Variants in CTNNB1 observed in about 807,000 individuals in gnomAD.
CTNNB1 encodes catenin beta 1.
In CTNNB1, 6 loss-of-function variants were observed where a neutral mutation model predicts 82.5. The observed-to-expected ratio is 0.07, with a 90% CI of 0.04 to 0.14. The LOEUF is 0.14. Ranked by LOEUF, CTNNB1 falls within the 10% of genes least tolerant of loss-of-function variation. The pLI is 1.00. For missense variants in CTNNB1, 529 were observed against 980.4 expected (o/e 0.54, Z 6.15); for synonymous variants, 312 against 329.7 (o/e 0.95, Z 0.58).
chr3:41,203,964 G>T (rs974405527), intron 1 of CTNNB1, among the ~76,000 whole-genome samples: 1 of 152,150 alleles, frequency 6.6e-6, no homozygotes, highest in Non-Finnish European at 1.5e-5. Flanking sequence ...GAATGAAAAC[G>T]TTAGCGTAGG....
rs753089121 is a variant in CTNNB1, at chr3:41,239,245, T to C, written c.2249T>C (p.Val750Ala). 6 of 1,614,094 alleles carry C rather than the reference T, an allele frequency of 3.7e-6. No homozygotes were observed. Among genetic ancestry groups the C allele is most frequent in the Non-Finnish European group, 5.1e-6 (6 of 1,180,040 alleles). ...CACCACCCTGGTGCTGACTATCCAGTTGATGGGCTGCCAGATCTGGGGCAT... is the reference window on the plus strand; with the variant it reads ...CACCACCCTGGTGCTGACTATCCAGCTGATGGGCTGCCAGATCTGGGGCAT... ...GGHHPGADYP[V>A]DGLPDLGHAQ... The change falls in exon 15 of 15, where the codon GTT becomes GCT. Residue 750 changes from valine to alanine, a missense_variant. By Grantham distance (64) the Val-to-Ala change is moderately conservative. Around this residue, in one of 4 missense-constraint regions of CTNNB1, gnomAD observed 102 missense variants for 130.8 expected, o/e 0.78. Transcript: ENST00000349496.
At chr3:41,224,504 T>TA in intron 2 of CTNNB1, 22 bp from the exon 3 acceptor site, 2 of 1,584,630 alleles carry the variant, frequency 1.3e-6, no homozygotes, top group Non-Finnish European at 1.7e-6. Context: ...CTACTAATGC[T>TA]AATACTGTTT....
chr3:41,211,188 G>A (rs976798578), intron 1 of CTNNB1: 5 of 404,576 alleles, frequency 1.2e-5, no homozygotes, highest in African/African-American at 2.1e-5. Flanking sequence ...ATTGTGCTGC[G>A]ACGTTAACGA....
chr3:41,220,302 T>C (rs567273135), intron 1 of CTNNB1, among the ~76,000 whole-genome samples: 127 of 152,162 alleles, frequency 8.3e-4, no homozygotes, highest in Non-Finnish European at 1.5e-3. Flanking sequence ...TACATTTTAG[T>C]GTTTGGAGGA....
At position 41,218,578 on chromosome 3, in the gene CTNNB1, TATC is replaced by T. The variant is rs1030135719; in HGVS notation, c.-48-5440_-48-5438del. Among the ~76,000 whole-genome samples, 21 of 152,344 alleles carry T rather than the reference TATC, an allele frequency of 1.4e-4. No homozygotes were observed. The East Asian group carries it at 2.9e-3, about 21-fold the overall frequency. On this transcript the variant is annotated intron_variant, in intron 1 of 14. Coordinates refer to ENST00000349496, the MANE Select transcript of CTNNB1 (RefSeq NM_001904.4). The stretch of plus-strand genomic sequence containing the variant: ...CTAAGAGTTGTTTTCTGTTCAGCCT[TATC>T]ATACTATAAAATCCACATAAAATGG...
chr3:41,231,077 C>T (rs1393632773), intron 7 of CTNNB1, among the ~76,000 whole-genome samples: 2 of 152,164 alleles, frequency 1.3e-5, no homozygotes, highest in Non-Finnish European at 2.9e-5. Flanking sequence ...CCTGTAATTC[C>T]AGCACTTTGG....
rs1002731273 is a variant in CTNNB1 at position 41,199,526 on chromosome 3, C to G, written c.-193C>G. On this transcript the variant is annotated 5_prime_UTR_variant, in exon 1 of 15. Transcript: ENST00000349496. The stretch of plus-strand genomic sequence containing the variant: ...TTTTAAGCCTCTCGGTCTGTGGCAG[C>G]AGCGTTGGCCCGGCCCCGGGAGCGG... 2 of 152,912 alleles carry G rather than the reference C, an allele frequency of 1.3e-5. No individual in the cohort carries two copies. The highest frequency in any genetic ancestry group is 4.8e-5 in the African/African-American group (2 of 41,438). 9.5% of individuals were successfully genotyped at this position (152,912 alleles called of 1,614,324 possible). A position where few individuals can be genotyped will look rare whatever the true frequency, so the allele number is the denominator to read the frequency against.
At chr3:41,235,583 T>C in intron 10 of CTNNB1, 141 bp from the exon 11 acceptor site, 1 of 1,112,394 alleles carries the variant, frequency 9.0e-7, no homozygotes, top group South Asian at 1.3e-5. Flanking sequence ...TTCAAGTTAA[T>C]GGAATCCTTC....
chr3:41,211,935 G>GT (rs1159371488), intron 1 of CTNNB1, among the ~76,000 whole-genome samples: 1 of 152,176 alleles, frequency 6.6e-6, no homozygotes, highest in Non-Finnish European at 1.5e-5. Context: ...AATAAATCGT[G>GT]TAACTTTTTT....
At chr3:41,223,117 A>G (rs895374565) in intron 1 of CTNNB1, among the ~76,000 whole-genome samples, 7 of 152,170 alleles carry the variant, frequency 4.6e-5, no homozygotes, top group South Asian at 2.1e-4. Flanking sequence ...ATTTTATTCC[A>G]TATCTTTACA....
intron 1 of CTNNB1, among the ~76,000 whole-genome samples, chr3:41,205,983 G>T (rs2077639548): frequency 1.3e-5 from 2 of 152,078 alleles, no homozygotes; most frequent in Admixed American, 1.3e-4. Context: ...TTTTGAACTT[G>T]TTGAAAAGGC....
At chr3:41,204,313 T>C (rs73081753) in intron 1 of CTNNB1, among the ~76,000 whole-genome samples, 3,751 of 152,346 alleles carry the variant, frequency 0.025, 58 homozygotes, top group Non-Finnish European at 0.038. Context: ...TGAAAAATTA[T>C]GTACATACAA....
At chr3:41,233,265 G>T (rs950986163) in intron 7 of CTNNB1, 76 bp from the exon 8 acceptor site, 1 of 1,233,072 alleles carries the variant, frequency 8.1e-7, no homozygotes, top group African/African-American at 1.5e-5. Context: ...CACCTCCTAA[G>T]GCTAGAACAG....
At chr3:41,235,181 AG>A (rs750866904) in intron 10 of CTNNB1, 3 of 155,696 alleles carry the variant, frequency 1.9e-5, no homozygotes, top group Non-Finnish European at 4.3e-5. Context: ...CAGAAACAGG[AG>A]AAACAGATGG....
At chr3:41,220,848 T>G (rs575634572) in intron 1 of CTNNB1, 2 of 152,324 alleles carry the variant, frequency 1.3e-5, no homozygotes, top group African/African-American at 4.8e-5. Flanking sequence ...TACTGAAAAC[T>G]AAGGTAATTA....
At chr3:41,229,725 C>G (rs866984366) in intron 7 of CTNNB1, among the ~76,000 whole-genome samples, 2 of 152,040 alleles carry the variant, frequency 1.3e-5, no homozygotes, top group African/African-American at 4.8e-5. Flanking sequence ...ATTCTGTATT[C>G]TCAGTGAATA....
rs2125650531 is a variant in CTNNB1 at position 41,238,019 on chromosome 3, G to C, written c.2080G>C (p.Ala694Pro). 6.2e-7 allele frequency: 1 copy of C among 1,613,660 alleles called. No individual in the cohort carries two copies. Among genetic ancestry groups the C allele is most frequent in the African/African-American group, 1.3e-5 (1 of 74,996 alleles). ...RTEPMAWNET[A>P]DLGLDIGAQG... ...TGCTTTGTGCATGTTTATCTAGACT[G>C]CTGATCTTGGACTTGATATTGGTGC... Residue 694 changes from alanine to proline, a missense_variant, in exon 14 of 15, where the codon GCT becomes CCT. This residue lies in a region of CTNNB1 where 102 missense variants were observed against 130.8 expected (regional missense o/e 0.78). Coordinates refer to ENST00000349496, the MANE Select transcript of CTNNB1 (RefSeq NM_001904.4).
chr3:41,204,748 CTTA>C (rs1263251429), intron 1 of CTNNB1, among the ~76,000 whole-genome samples: 2 of 152,220 alleles, frequency 1.3e-5, no homozygotes, highest in African/African-American at 2.4e-5. Flanking sequence ...ATTAAATACA[CTTA>C]TTTGCTGAAT....
intron 1 of CTNNB1, among the ~76,000 whole-genome samples, chr3:41,205,965 C>T (rs1482298784): frequency 6.6e-6 from 1 of 152,166 alleles, no homozygotes; most frequent in African/African-American, 2.4e-5. Context: ...TTTCCTACCT[C>T]TGGTATCTTT....
Sources: allele counts gnomAD v4.1 joint callset (sites outside exome capture counted in the v4.1 genomes callset), GRCh38; gene constraint gnomAD v4.1.1; regional missense constraint gnomAD v4.1.1; transcripts MANE v1.5; gene names NCBI Gene and HGNC (gene_info 2026-07-23, HGNC 2026-07-21).